Variants in DGKB observed in about 807,000 individuals in gnomAD.
The protein encoded by DGKB is 90 kDa diacylglycerol kinase.
Under a neutral mutation model 114.3 loss-of-function variants are expected in DGKB, and 67 were observed. The ratio of observed to expected loss-of-function variants is 0.59; its 90% CI spans 0.48 to 0.72. The LOEUF is 0.72. DGKB is among the 30% of genes least tolerant of loss of function. The pLI, the probability that DGKB is intolerant of heterozygous loss-of-function variation, is 0.00. For missense variants in DGKB, 907 were observed against 975.2 expected, an observed-to-expected ratio of 0.93 and a Z score of 0.93; for synonymous variants, 398 against 323.1, an observed-to-expected ratio of 1.23 and a Z score of -2.49.
chr7:14,476,259 T>C (rs533771857), intron 21 of DGKB, among the ~76,000 whole-genome samples: 4 of 152,050 alleles, frequency 2.6e-5, no homozygotes, highest in Admixed American at 2.6e-4. Context: ...GCTATATTCA[T>C]TTCCAGGATA....
chr7:14,904,236 A>G (rs1045420766), upstream of DGKB, among the ~76,000 whole-genome samples: 3 of 152,004 alleles, frequency 2.0e-5, no homozygotes, highest in Non-Finnish European at 4.4e-5. Flanking sequence ...ACACACACAC[A>G]CATCACTTAA....
intron 23 of DGKB, among the ~76,000 whole-genome samples, chr7:14,235,067 C>A (rs1792551950): frequency 6.6e-6 from 1 of 152,064 alleles, no homozygotes; most frequent in Admixed American, 6.6e-5. Context: ...AGACTGACTT[C>A]TCTTCTTTCA....
chr7:14,940,586 C>T (rs979706488), intron 1 of DGKB, among the ~76,000 whole-genome samples: 4 of 152,034 alleles, frequency 2.6e-5, no homozygotes, highest in Non-Finnish European at 4.4e-5. Flanking sequence ...CCAGTTTTGG[C>T]CCACAGGCCA....
intron 1 of DGKB, among the ~76,000 whole-genome samples, chr7:14,919,179 A>G (rs774990135): frequency 1.3e-5 from 2 of 151,964 alleles, no homozygotes; most frequent in Non-Finnish European, 2.9e-5. Context: ...AATACTGAAG[A>G]AAAACAAAGT....
chr7:14,235,094 T>C (rs1185688030), intron 23 of DGKB, among the ~76,000 whole-genome samples: 1 of 152,084 alleles, frequency 6.6e-6, no homozygotes, highest in Non-Finnish European at 1.5e-5. Flanking sequence ...CTTTCTCAGG[T>C]ATTAGACCTG....
At chr7:14,250,874 T>C (rs1402689911) in intron 23 of DGKB, among the ~76,000 whole-genome samples, 1 of 152,220 alleles carries the variant, frequency 6.6e-6, no homozygotes, top group Non-Finnish European at 1.5e-5. Flanking sequence ...TCCATTATCA[T>C]AATGTAATAA....
intron 23 of DGKB, 133 bp from the exon 24 acceptor site, chr7:14,178,284 T>A: frequency 1.1e-6 from 1 of 946,090 alleles, no homozygotes; most frequent in Non-Finnish European, 1.5e-6. Flanking sequence ...AAACTTAAAG[T>A]AATAAAAAGA....
intron 5 of DGKB, among the ~76,000 whole-genome samples, chr7:14,733,735 GAAGAAAGAAATAAAGAAGAAAGA>G (rs765957975): frequency 0.026 from 3,489 of 133,802 alleles, 117 homozygotes; most frequent in African/African-American, 0.089. Flanking sequence ...AAGAAATAAA[GAAGAAAGAAATAAAGAAGAAAGA>G]AAGAAAGAAA....
intron 20 of DGKB, among the ~76,000 whole-genome samples, chr7:14,559,631 G>C (rs1340847571): frequency 6.6e-6 from 1 of 152,052 alleles, no homozygotes; most frequent in Non-Finnish European, 1.5e-5. Context: ...TGAATTTTTT[G>C]TTACATCATG....
chr7:14,446,960 T>G (rs776990089), intron 21 of DGKB, among the ~76,000 whole-genome samples: 2 of 152,154 alleles, frequency 1.3e-5, no homozygotes, highest in African/African-American at 2.4e-5. Flanking sequence ...TATACCAGGA[T>G]GTCTGCTCAG....
intron 2 of DGKB, among the ~76,000 whole-genome samples, chr7:14,772,071 C>T (rs1586385994): frequency 2.0e-5 from 3 of 152,066 alleles, no homozygotes; most frequent in South Asian, 2.1e-4. Flanking sequence ...TGAGCTGTCC[C>T]GCCTTTCTGA....
chr7:14,164,035 A>G (rs1784295771), intron 25 of DGKB, among the ~76,000 whole-genome samples: 1 of 151,852 alleles, frequency 6.6e-6, no homozygotes, highest in Non-Finnish European at 1.5e-5. Context: ...AAAATAAAAA[A>G]CCTCACCACC....
intron 1 of DGKB, among the ~76,000 whole-genome samples, chr7:14,874,722 G>A (rs1304858381): frequency 6.6e-6 from 1 of 151,944 alleles, no homozygotes; most frequent in Non-Finnish European, 1.5e-5. Flanking sequence ...CTTTTTACAG[G>A]AACAACTGAA....
intron 23 of DGKB, among the ~76,000 whole-genome samples, chr7:14,306,358 G>T (rs988051583): frequency 1.3e-5 from 2 of 151,992 alleles, no homozygotes; most frequent in Non-Finnish European, 1.5e-5. Flanking sequence ...GTTAGGAGAG[G>T]GATACATGAT....
At chr7:14,196,683 A>C (rs1785062637) in intron 23 of DGKB, among the ~76,000 whole-genome samples, 1 of 152,124 alleles carries the variant, frequency 6.6e-6, no homozygotes, top group African/African-American at 2.4e-5. Context: ...TTCCACACAT[A>C]AAATCACTTA....
chr7:14,179,102 TACA>T (rs1372177187), intron 23 of DGKB, among the ~76,000 whole-genome samples: 6 of 152,340 alleles, frequency 3.9e-5, no homozygotes, highest in South Asian at 2.1e-4. Context: ...GGACAGAATT[TACA>T]ACGTTTTAGA....
intron 1 of DGKB, among the ~76,000 whole-genome samples, chr7:14,852,933 T>C (rs1292372214): frequency 6.6e-6 from 1 of 152,208 alleles, no homozygotes; most frequent in Non-Finnish European, 1.5e-5. Flanking sequence ...TGACTTTGTA[T>C]TGAATTAGGA....
chr7:14,778,739 T>A (rs1562512225), intron 2 of DGKB, among the ~76,000 whole-genome samples: 1 of 152,208 alleles, frequency 6.6e-6, no homozygotes, highest in Non-Finnish European at 1.5e-5. Flanking sequence ...CCTTGACCCT[T>A]ATAGATAACC....
intron 1 of DGKB, among the ~76,000 whole-genome samples, chr7:14,891,019 A>G (rs751162058): frequency 2.0e-5 from 3 of 151,574 alleles, no homozygotes; most frequent in African/African-American, 7.2e-5. Context: ...ACAAGAAAAT[A>G]TAAGTATTAC....
Sources: gnomAD v4.1 joint callset for allele counts (sites outside exome capture counted in the v4.1 genomes callset) on GRCh38, gnomAD v4.1.1 for gene constraint, MANE v1.5 for transcripts, NCBI Gene and HGNC (gene_info 2026-07-23, HGNC 2026-07-21) for gene names.